Variants in CDK6 observed in about 807,000 individuals in gnomAD.
The protein encoded by CDK6 is cyclin-dependent kinase 6.
A neutral mutation model predicts 37.1 loss-of-function variants in CDK6; 6 were observed. The observed-to-expected ratio is 0.16, with a 90% CI of 0.09 to 0.32. CDK6 has a LOEUF of 0.32. CDK6 is among the 10% of genes least tolerant of loss of function. The pLI, the probability that CDK6 is intolerant of heterozygous loss-of-function variation, is 1.00. For missense variants in CDK6, 224 were observed against 418.9 expected (o/e 0.53, Z 4.06); for synonymous variants, 160 against 161.3 (o/e 0.99, Z 0.06).
At chr7:92,716,583 C>T (rs1798233563) in intron 4 of CDK6, among the ~76,000 whole-genome samples, 1 of 152,180 alleles carries the variant, frequency 6.6e-6, no homozygotes, top group Non-Finnish European at 1.5e-5. Context: ...GAAACTTACA[C>T]TATGATATTA....
chr7:92,626,720 G>A (rs965081428), intron 5 of CDK6, among the ~76,000 whole-genome samples: 1 of 152,022 alleles, frequency 6.6e-6, no homozygotes, highest in Non-Finnish European at 1.5e-5. Flanking sequence ...ACATTTAGAA[G>A]AAGATGATCA....
At chr7:92,646,633 G>A (rs989581740) in intron 5 of CDK6, among the ~76,000 whole-genome samples, 2 of 151,416 alleles carry the variant, frequency 1.3e-5, no homozygotes, top group African/African-American at 4.9e-5. Flanking sequence ...CCCAATTTCA[G>A]GTAATCTGCC....
chr7:92,775,947 A>T (rs1421105230), intron 2 of CDK6, among the ~76,000 whole-genome samples: 1 of 152,152 alleles, frequency 6.6e-6, no homozygotes, highest in East Asian at 1.9e-4. Flanking sequence ...GTTCTGGGAT[A>T]TATGTGCAGA....
At chr7:92,620,032 T>A (rs145020684) in intron 6 of CDK6, among the ~76,000 whole-genome samples, 33 of 152,276 alleles carry the variant, frequency 2.2e-4, no homozygotes, top group African/African-American at 7.9e-4. Flanking sequence ...AGTTGTCAGG[T>A]CTATGTGTAT....
intron 2 of CDK6, among the ~76,000 whole-genome samples, chr7:92,795,227 G>A (rs1800379492): frequency 6.6e-6 from 1 of 151,946 alleles, no homozygotes; most frequent in African/African-American, 2.4e-5. Flanking sequence ...TTATCAGAAG[G>A]GTGATTTTGC....
intron 5 of CDK6, among the ~76,000 whole-genome samples, chr7:92,651,013 C>A (rs1236100795): frequency 2.0e-5 from 3 of 152,232 alleles, no homozygotes; most frequent in East Asian, 3.9e-4. Context: ...CCTCAGCCTC[C>A]CGAGTAGCTG....
At chr7:92,756,150 G>A (rs1469441221) in intron 3 of CDK6, among the ~76,000 whole-genome samples, 1 of 143,322 alleles carries the variant, frequency 7.0e-6, no homozygotes, top group East Asian at 2.0e-4. Context: ...ATAGAGGCAT[G>A]TAAAATTGTA....
At chr7:92,631,538 T>C (rs1483822670) in intron 5 of CDK6, among the ~76,000 whole-genome samples, 1 of 152,182 alleles carries the variant, frequency 6.6e-6, no homozygotes, top group Non-Finnish European at 1.5e-5. Context: ...CATACCACAA[T>C]TCAAGATGTT....
chr7:92,769,620 A>G (rs1309649942), intron 3 of CDK6, among the ~76,000 whole-genome samples: 3 of 152,268 alleles, frequency 2.0e-5, no homozygotes, highest in African/African-American at 7.2e-5. Context: ...TGTATTATAC[A>G]GACAAGACTA....
chr7:92,605,073 T>C lies in CDK6; in HGVS notation c.*10067A>G, dbSNP rs1453100510. The C allele has an allele frequency of 4.3e-6, 1 of 231,214 alleles. No homozygotes were observed. The highest frequency in any genetic ancestry group is 8.6e-6 in the Non-Finnish European group (1 of 116,922). 14.3% of individuals were successfully genotyped at this position (231,214 alleles called of 1,614,324 possible). A position where few individuals can be genotyped will look rare whatever the true frequency, so the allele number is the denominator to read the frequency against. The stretch of plus-strand genomic sequence containing the variant: ...ATTATTTTTATTTGCTACCAATATT[T>C]TTATTGTAAGAAATACAAAAGGTAT... On this transcript the variant is annotated 3_prime_UTR_variant, in exon 8 of 8. Transcript: ENST00000424848.
At chr7:92,651,423 A>T (rs1796570883) in intron 5 of CDK6, among the ~76,000 whole-genome samples, 1 of 152,164 alleles carries the variant, frequency 6.6e-6, no homozygotes, top group Admixed American at 6.5e-5. Context: ...GATAATGCTA[A>T]ATCTGCCCCA....
chr7:92,773,146 C>G (rs1453511750), intron 3 of CDK6, among the ~76,000 whole-genome samples: 6 of 152,062 alleles, frequency 3.9e-5, no homozygotes, highest in African/African-American at 7.3e-5. Context: ...GTGTAAGACA[C>G]TGTCAGGACA....
intron 5 of CDK6, among the ~76,000 whole-genome samples, chr7:92,645,924 A>G (rs1796436324): frequency 6.6e-6 from 1 of 152,216 alleles, no homozygotes; most frequent in Admixed American, 6.5e-5. Flanking sequence ...TATTGAATTG[A>G]ATGGAAAAGG....
chr7:92,814,204 TAGA>T (rs1800963534), intron 2 of CDK6, among the ~76,000 whole-genome samples: 1 of 152,294 alleles, frequency 6.6e-6, no homozygotes, highest in African/African-American at 2.4e-5. Flanking sequence ...TATGAAAACC[TAGA>T]AGATGACAAT....
chr7:92,807,743 A>G (rs1452213229), intron 2 of CDK6, among the ~76,000 whole-genome samples: 3 of 152,126 alleles, frequency 2.0e-5, no homozygotes, highest in African/African-American at 7.2e-5. Context: ...TCGTGTTTCC[A>G]TTGGACATGA....
At chr7:92,739,771 T>A (rs938572300) in intron 3 of CDK6, among the ~76,000 whole-genome samples, 9 of 152,224 alleles carry the variant, frequency 5.9e-5, no homozygotes, top group Admixed American at 1.3e-4. Context: ...TTATTTATTT[T>A]TTTGAGACAG....
intron 2 of CDK6, among the ~76,000 whole-genome samples, chr7:92,826,570 A>G (rs573937210): frequency 1.3e-5 from 2 of 152,312 alleles, no homozygotes; most frequent in South Asian, 2.1e-4. Flanking sequence ...GGAGTAGTCC[A>G]TCTGTCTGTA....
At chr7:92,831,602 A>G (rs3731266) in intron 2 of CDK6, among the ~76,000 whole-genome samples, 6 of 152,210 alleles carry the variant, frequency 3.9e-5, no homozygotes, top group Non-Finnish European at 2.9e-5. Flanking sequence ...TAAAATACAC[A>G]TGAAAAAAAG....
At chr7:92,815,117 G>A (rs1352478375) in intron 2 of CDK6, among the ~76,000 whole-genome samples, 4 of 152,114 alleles carry the variant, frequency 2.6e-5, no homozygotes, top group Non-Finnish European at 4.4e-5. Flanking sequence ...CACATTCAGG[G>A]GAGTCAACTA....
Sources: gnomAD v4.1 joint callset for allele counts (sites outside exome capture counted in the v4.1 genomes callset) on GRCh38, gnomAD v4.1.1 for gene constraint, MANE v1.5 for transcripts, NCBI Gene and HGNC (gene_info 2026-07-23, HGNC 2026-07-21) for gene names.